The following FAT1 variants were observed in gnomAD, a reference collection of about 807,000 sequenced individuals.
The protein encoded by FAT1 is protocadherin Fat 1.
In FAT1, 171 loss-of-function variants were observed where a neutral mutation model predicts 329.8. That is an observed-to-expected ratio of 0.52 (90% CI 0.46 to 0.59). The LOEUF is 0.59. Ranked by LOEUF, FAT1 falls within the 20% of genes least tolerant of loss-of-function variation. The pLI, the probability that FAT1 is intolerant of heterozygous loss-of-function variation, is 0.00. For synonymous variants in FAT1, 2,233 were observed against 2,228.6 expected (o/e 1.00, Z -0.06); for missense variants, 5,672 against 5,774.4 (o/e 0.98, Z 0.57).
At chr4:186,628,836 C>A in intron 7 of FAT1, 73 bp from the exon 8 acceptor site, 1 of 1,431,142 alleles carries the variant, frequency 7.0e-7, no homozygotes, top group Non-Finnish European at 9.4e-7. Context: ...GAACCATGAA[C>A]GAAAGTCATG....
intron 1 of FAT1, among the ~76,000 whole-genome samples, chr4:186,719,467 AC>A (rs1253316055): frequency 6.6e-6 from 1 of 152,232 alleles, no homozygotes; most frequent in Non-Finnish European, 1.5e-5. Context: ...AGACCAAGGG[AC>A]AACTATATAG....
rs151203540 is a variant in FAT1 at position 186,679,525 on chromosome 4, T to C, written c.3266-15912A>G. On this transcript the variant is annotated intron_variant, in intron 2 of 26. Transcript: ENST00000441802. The stretch of plus-strand genomic sequence containing the variant: ...TTCAGGAAACTGAGTTTGTTTTCTA[T>C]CCATAAGCAGGAAGTATCTCACATC... Among the ~76,000 whole-genome samples, 13 of 151,858 alleles carry C rather than the reference T, an allele frequency of 8.6e-5. No individual in the cohort carries two copies. In the East Asian group the frequency reaches 2.3e-3, roughly 27 times the overall value.
rs577598489 is a variant in FAT1 at position 186,707,212 on chromosome 4, G to T, written c.2616C>A (p.Ser872Arg). 5 of 1,613,892 alleles carry T rather than the reference G, an allele frequency of 3.1e-6. No homozygotes were observed. Among genetic ancestry groups the T allele is most frequent in the Non-Finnish European group, 4.2e-6 (5 of 1,179,862 alleles). ...VTDTDTFSID[S>R]VTGVVNIARP... Reference sequence around the variant, plus strand: ...GTGCGATGTTAACAACACCCGTCACGCTGTCAATTGAAAATGTGTCTGTGT... The same window carrying T: ...GTGCGATGTTAACAACACCCGTCACTCTGTCAATTGAAAATGTGTCTGTGT... The change falls in exon 2 of 27, where the codon AGC (serine) becomes AGA (arginine). Residue 872 changes from serine (S) to arginine (R), a missense_variant. This residue lies in a region of FAT1 where 3,966 missense variants were observed against 3,915.2 expected (regional missense o/e 1.01). Coordinates refer to ENST00000441802, the MANE Select transcript of FAT1 (RefSeq NM_005245.4).
At chr4:186,595,947 A>C in intron 25 of FAT1, 121 bp from the exon 26 acceptor site, 1 of 1,060,664 alleles carries the variant, frequency 9.4e-7, no homozygotes, top group South Asian at 1.6e-5. Context: ...TAAATGAATG[A>C]CTGAAAGAAA....
intron 12 of FAT1, 106 bp downstream of exon 12, chr4:186,614,085 G>A: frequency 1.9e-6 from 2 of 1,029,884 alleles, no homozygotes; most frequent in Non-Finnish European, 2.8e-6. Context: ...GAATACATTT[G>A]AAAAGGGCAA....
At chr4:186,664,965 C>T (rs985506716) in intron 2 of FAT1, among the ~76,000 whole-genome samples, 9 of 152,056 alleles carry the variant, frequency 5.9e-5, no homozygotes, top group East Asian at 3.9e-4. Context: ...TTTGATCACA[C>T]GAAATTAAAT....
rs75737957 is a variant in FAT1, at chr4:186,597,276, G to T, written c.12369-105C>A. The T allele has an allele frequency of 1.7e-3, 2,125 of 1,247,038 alleles. 31 individuals are homozygous for T. In the African/African-American group the frequency reaches 0.028, roughly 17 times the overall value. 77.2% of individuals were successfully genotyped at this position (1,247,038 alleles called of 1,614,324 possible). A position where few individuals can be genotyped will look rare whatever the true frequency, so the allele number is the denominator to read the frequency against. On this transcript the variant is annotated intron_variant, in intron 24 of 26. Transcript: ENST00000441802. ...GACTAATCCCTCCTTGATGAGCTAT[G>T]TGAAGATCAAACCCAGATAAAAGAC...
intron 2 of FAT1, among the ~76,000 whole-genome samples, chr4:186,702,426 GGCTGC>G (rs1744375279): frequency 6.6e-6 from 1 of 152,064 alleles, no homozygotes. Flanking sequence ...ACTCGTCCTG[GGCTGC>G]TTTGTATACT....
chr4:186,596,867 T>C lies in FAT1; in HGVS notation c.12673A>G (p.Thr4225Ala), dbSNP rs781726565. 2.5e-5 allele frequency: 40 copies of C among 1,613,926 alleles called. No homozygotes were observed. The highest frequency in any genetic ancestry group is 3.3e-5 in the Non-Finnish European group (39 of 1,179,902). The change falls in exon 25 of 27, where the codon ACG (threonine) becomes GCG (alanine). Residue 4225 changes from threonine (T) to alanine (A), a missense_variant. This residue lies in a region of FAT1 where 1,706 missense variants were observed against 1,859.1 expected (regional missense o/e 0.92). Transcript: ENST00000441802. This position sits in a 1 kb window ranked among gnomAD's most constrained non-coding sequence, Gnocchi z 4.7. ...AAATACGGTCTTTGCAAGAAAGCCG[T>C]AGCGGGTCCCAGGTGCTTGTCTTTA... is the stretch of plus-strand genomic sequence containing the variant. Reference protein sequence around the residue: ...EPKDKHLGPATAFLQRPYFDS... With the variant: ...EPKDKHLGPAAAFLQRPYFDS...
upstream of FAT1, among the ~76,000 whole-genome samples, chr4:186,725,273 C>T (rs571648440): frequency 6.6e-6 from 1 of 152,098 alleles, no homozygotes; most frequent in African/African-American, 2.4e-5. The surrounding 1 kb of genome is among the most constrained non-coding windows in gnomAD (Gnocchi z 5.4). Flanking sequence ...TTGTAAATCT[C>T]AGCAAAACCC....
chr4:186,713,993 T>A (rs1023989867), intron 1 of FAT1, among the ~76,000 whole-genome samples: 3 of 151,796 alleles, frequency 2.0e-5, no homozygotes, highest in Non-Finnish European at 2.9e-5. Context: ...AACCTGAATC[T>A]TTTTTTTTCT....
chr4:186,682,596 T>G (rs79088311), intron 2 of FAT1, among the ~76,000 whole-genome samples: 3,560 of 151,604 alleles, frequency 0.023, 167 homozygotes, highest in African/African-American at 0.083. Context: ...ACAGACTTTT[T>G]GAACTAAAAA....
chr4:186,600,112 A>G lies in FAT1; in HGVS notation c.11889T>C (p.His3963=), dbSNP rs1224886245. The change falls in exon 22 of 27, where the codon CAT becomes CAC. Residue 3963 remains histidine, a synonymous_variant. Coordinates refer to ENST00000441802, the MANE Select transcript of FAT1 (RefSeq NM_005245.4). ...CATTACCAACTTGAGGACTTCTTCC[A>G]TGCCTTGTTCCCTGCTGACGGATGT... ...GGHIRQQGTR[H]GRSPQVGNGF... is the part of the protein sequence containing the mutation. The G allele has an allele frequency of 1.2e-6, 2 of 1,614,060 alleles. No homozygotes were observed. The highest frequency in any genetic ancestry group is 1.1e-5 in the South Asian group (1 of 91,082).
upstream of FAT1, among the ~76,000 whole-genome samples, chr4:186,726,178 C>G (rs1745712936): frequency 6.6e-6 from 1 of 152,238 alleles, no homozygotes; most frequent in African/African-American, 2.4e-5. Context: ...GCTATGCATA[C>G]GAATCTTTCA....
chr4:186,692,204 A>T (rs1743802376), intron 2 of FAT1, among the ~76,000 whole-genome samples: 1 of 152,280 alleles, frequency 6.6e-6, no homozygotes, highest in South Asian at 2.1e-4. Flanking sequence ...CTTACCACAG[A>T]GCACTTTCCT....
chr4:186,588,304 C>T lies in FAT1; in HGVS notation c.*288G>A, dbSNP rs749905708. 1.1e-5 allele frequency: 4 copies of T among 362,528 alleles called. No individual in the cohort carries two copies. The highest frequency in any genetic ancestry group is 2.0e-5 in the Non-Finnish European group (4 of 200,240). 22.5% of individuals were successfully genotyped at this position (362,528 alleles called of 1,614,324 possible). On this transcript the variant is annotated 3_prime_UTR_variant, in exon 27 of 27. Transcript: ENST00000441802. Reference sequence around the variant, plus strand: ...TAAAATAATCAAATCTATATAAATACATGAATCATGCTGACAACACAGGAC... The same window carrying T: ...TAAAATAATCAAATCTATATAAATATATGAATCATGCTGACAACACAGGAC...
intron 2 of FAT1, among the ~76,000 whole-genome samples, chr4:186,682,458 T>C (rs1579441639): frequency 7.1e-6 from 1 of 140,914 alleles, no homozygotes; most frequent in Non-Finnish European, 1.5e-5. Flanking sequence ...ACTCGGGAGG[T>C]GGAGGTTGCA....
intron 2 of FAT1, among the ~76,000 whole-genome samples, chr4:186,698,555 A>G (rs979120029): frequency 6.6e-6 from 1 of 152,234 alleles, no homozygotes; most frequent in African/African-American, 2.4e-5. Flanking sequence ...CTGTCAAGAA[A>G]GCTTTATTAA....
chr4:186,588,948 C>CG lies in FAT1; in HGVS notation c.13410dup (p.Ala4471ArgfsTer3). Reference sequence around the variant, plus strand: ...CTTGATGAAGAACCCAAGCTACCCGCGGCAGGCATGTCTCTAGGAGGGTGG... The same window carrying CG: ...CTTGATGAAGAACCCAAGCTACCCGCGGGCAGGCATGTCTCTAGGAGGGTGG... On this transcript the variant is annotated frameshift_variant, in exon 27 of 27. Transcript: ENST00000441802. LOFTEE classifies it high-confidence loss of function. The CG allele has an allele frequency of 6.2e-7, 1 of 1,613,936 alleles. No homozygotes were observed. Among genetic ancestry groups the CG allele is most frequent in the Non-Finnish European group, 8.5e-7 (1 of 1,179,886 alleles).
Sources: gnomAD v4.1 joint callset for allele counts (sites outside exome capture counted in the v4.1 genomes callset) on GRCh38, gnomAD v4.1.1 for gene constraint, gnomAD v4.1.1 regional missense constraint, Gnocchi (gnomAD v3.1) non-coding constraint, MANE v1.5 for transcripts, NCBI Gene and HGNC (gene_info 2026-07-23, HGNC 2026-07-21) for gene names.